Variants in ADGRG7 observed in about 807,000 individuals in gnomAD.
The protein encoded by ADGRG7 is adhesion G protein-coupled receptor G7.
A neutral mutation model predicts 88.6 loss-of-function variants in ADGRG7; 82 were observed. That is an observed-to-expected ratio of 0.93 (90% CI 0.77 to 1.11). The LOEUF is 1.11. Ranked by LOEUF, ADGRG7 falls within the 50% of genes most tolerant of loss-of-function variation. ADGRG7 has a pLI of 0.00. For synonymous variants in ADGRG7, 381 were observed against 345.2 expected (o/e 1.10, Z -1.15); for missense variants, 945 against 953.4 (o/e 0.99, Z 0.12).
intron 1 of ADGRG7, among the ~76,000 whole-genome samples, chr3:100,619,303 G>A (rs1205951194): frequency 6.6e-6 from 1 of 152,152 alleles, no homozygotes; most frequent in Admixed American, 6.6e-5. Flanking sequence ...GCTCCTGAAT[G>A]AATACTGGGT....
At chr3:100,689,499 G>T (rs1318307062) in intron 15 of ADGRG7, among the ~76,000 whole-genome samples, 1 of 152,174 alleles carries the variant, frequency 6.6e-6, no homozygotes, top group Admixed American at 6.5e-5. Flanking sequence ...GCATGTTTTT[G>T]CAGTGGCTGG....
Position 100,689,115 on chromosome 3 carries a change from C to A in ADGRG7, c.2137-5629C>A, listed in dbSNP as rs1007707358. Among the ~76,000 whole-genome samples, 16 of 152,212 alleles carry A rather than the reference C, an allele frequency of 1.1e-4. No individual in the cohort carries two copies. In the South Asian group the frequency reaches 2.1e-3, roughly 20 times the overall value. On this transcript the variant is annotated intron_variant, in intron 15 of 15. Transcript: ENST00000273352. ...GTTAGCTCTTCTTGTTGAATTGATC[C>A]CTTTACCATTATGTAATGGCCTTCT...
intron 15 of ADGRG7, among the ~76,000 whole-genome samples, chr3:100,688,226 C>T (rs2094986629): frequency 6.6e-6 from 1 of 151,908 alleles, no homozygotes; most frequent in South Asian, 2.1e-4. Context: ...TGGTGATGTC[C>T]CCTTTTCATT....
At chr3:100,645,630 G>A (rs1707730945) in intron 8 of ADGRG7, among the ~76,000 whole-genome samples, 1 of 152,104 alleles carries the variant, frequency 6.6e-6, no homozygotes, top group African/African-American at 2.4e-5. Flanking sequence ...CATGTATAAA[G>A]CAAGACGTTT....
At chr3:100,618,697 C>A (rs887568637) in intron 1 of ADGRG7, among the ~76,000 whole-genome samples, 1 of 152,060 alleles carries the variant, frequency 6.6e-6, no homozygotes, top group African/African-American at 2.4e-5. Context: ...CTTGGCGATG[C>A]GGGCTCTTTT....
rs1462837370 is a variant in ADGRG7, at chr3:100,646,118, T to C, written c.1110+10T>C. On this transcript the variant is annotated intron_variant, in intron 9 of 15. Coordinates refer to ENST00000273352, the MANE Select transcript of ADGRG7 (RefSeq NM_032787.3). ...GGTCTTTAGTCCAAAGGTGAGTTTT[T>C]CATTGCAGATGCAAGAAAAAAGTGT... 2.5e-6 allele frequency: 4 copies of C among 1,602,508 alleles called. No individual in the cohort carries two copies. In the Admixed American group the frequency reaches 5.1e-5, roughly 20 times the overall value.
chr3:100,637,557 C>A, intron 6 of ADGRG7, 155 bp downstream of exon 6: 2 of 602,246 alleles, frequency 3.3e-6, no homozygotes, highest in East Asian at 2.9e-5. Flanking sequence ...TTCCACTTGA[C>A]CTTTAGTTAC....
At chr3:100,682,172 C>T (rs940524182) in intron 15 of ADGRG7, among the ~76,000 whole-genome samples, 1 of 152,140 alleles carries the variant, frequency 6.6e-6, no homozygotes. Context: ...GTCCACCGCC[C>T]TGGGAACCCA....
intron 15 of ADGRG7, among the ~76,000 whole-genome samples, chr3:100,690,956 C>G (rs1022471434): frequency 2.0e-5 from 3 of 152,200 alleles, no homozygotes; most frequent in Non-Finnish European, 4.4e-5. Flanking sequence ...TGCCCTGTCC[C>G]CAGAGGTGGA....
chr3:100,655,207 C>T (rs764752005), intron 12 of ADGRG7, 26 bp downstream of exon 12: 2 of 1,485,372 alleles, frequency 1.3e-6, no homozygotes, highest in Non-Finnish European at 1.8e-6. Flanking sequence ...TCCCCTTTCT[C>T]AGGAATTTAA....
intron 15 of ADGRG7, among the ~76,000 whole-genome samples, chr3:100,690,623 T>A (rs1251060041): frequency 1.3e-5 from 2 of 152,240 alleles, no homozygotes; most frequent in Non-Finnish European, 2.9e-5. Context: ...TGGAGTTTGC[T>A]GGAGGTCCAC....
intron 15 of ADGRG7, among the ~76,000 whole-genome samples, chr3:100,692,841 A>G (rs956972008): frequency 7.9e-5 from 12 of 152,072 alleles, no homozygotes; most frequent in African/African-American, 2.9e-4. Flanking sequence ...CCCCTTACCT[A>G]CTCAACCAGA....
In ADGRG7 at chr3:100,659,772, C is replaced by A. The variant is rs759812225; in HGVS notation, c.1908C>A (p.Leu636=). The A allele has an allele frequency of 2.5e-6, 4 of 1,613,858 alleles. No homozygotes were observed. The highest frequency in any genetic ancestry group is 3.4e-6 in the Non-Finnish European group (4 of 1,179,862). ...TCATCGTACCTGTAACCATTATCCT[C>A]ATCAGCAATGTTGTTATGTTTATTA... ...WSFIVPVTII[L]ISNVVMFITI... The change falls in exon 14 of 16, where the codon CTC becomes CTA. Residue 636 remains leucine (L), a synonymous_variant. Transcript: ENST00000273352.
At chr3:100,662,287 G>C (rs62274006) in intron 14 of ADGRG7, among the ~76,000 whole-genome samples, 1 of 152,092 alleles carries the variant, frequency 6.6e-6, no homozygotes, top group Non-Finnish European at 1.5e-5. Context: ...GATAAAAGGG[G>C]AGGGAAAAGT....
chr3:100,643,266 G>A lies in ADGRG7; in HGVS notation c.699G>A (p.Thr233=), dbSNP rs765207432. Residue 233 remains threonine, a splice_region_variant and synonymous_variant, in exon 7 of 16, where the codon ACG becomes ACA. Transcript: ENST00000273352. ...AATANDDALT[T]LIEQMETYSL... ...TTAAATTGTGTTTTATTATATGCAG[G>A]CTTATTGAGCAAATGGAGACTTATT... The A allele has an allele frequency of 1.1e-5, 17 of 1,612,668 alleles. No individual in the cohort carries two copies. Among genetic ancestry groups the A allele is most frequent in the Non-Finnish European group, 1.3e-5 (15 of 1,179,450 alleles).
At chr3:100,615,668 C>G (rs1381380991) in intron 1 of ADGRG7, among the ~76,000 whole-genome samples, 1 of 152,178 alleles carries the variant, frequency 6.6e-6, no homozygotes, top group Admixed American at 6.5e-5. Context: ...ATGGATGGAC[C>G]TCCTTCTTGT....
chr3:100,660,026 T>G (rs915860873), intron 14 of ADGRG7, among the ~76,000 whole-genome samples, 183 bp downstream of exon 14: 3 of 152,208 alleles, frequency 2.0e-5, no homozygotes, highest in Non-Finnish European at 4.4e-5. Context: ...TCTTCTCACA[T>G]CCGTACAGTC....
At chr3:100,652,808 C>T (rs2094931711) in intron 11 of ADGRG7, among the ~76,000 whole-genome samples, 1 of 151,830 alleles carries the variant, frequency 6.6e-6, no homozygotes, top group South Asian at 2.1e-4. Context: ...CACATTCACT[C>T]ATACTGCCTT....
chr3:100,621,170 C>G (rs947806479), intron 1 of ADGRG7, among the ~76,000 whole-genome samples: 2 of 152,204 alleles, frequency 1.3e-5, no homozygotes, highest in Middle Eastern at 3.4e-3. Flanking sequence ...CTCTATTCCC[C>G]GAGACACAAC....
Sources: allele counts gnomAD v4.1 joint callset (sites outside exome capture counted in the v4.1 genomes callset), GRCh38; gene constraint gnomAD v4.1.1; transcripts MANE v1.5; gene names NCBI Gene and HGNC (gene_info 2026-07-23, HGNC 2026-07-21).